The following SGCG variants were observed in gnomAD, a reference collection of about 807,000 sequenced individuals.
SGCG encodes the protein gamma-sarcoglycan.
In SGCG, 26 loss-of-function variants were observed where a neutral mutation model predicts 29.3. That is an observed-to-expected ratio of 0.89 (90% CI 0.65 to 1.23). SGCG has a LOEUF of 1.23. Among genes scored for constraint, SGCG ranks in the 50% most tolerant of loss-of-function variants. The pLI is 0.00. For missense variants in SGCG, 353 were observed against 356.0 expected (o/e 0.99, Z 0.07); for synonymous variants, 145 against 129.7 (o/e 1.12, Z -0.80).
At chr13:23,182,526 A>G (rs1876782340) in intron 1 of SGCG, among the ~76,000 whole-genome samples, 2 of 151,494 alleles carry the variant, frequency 1.3e-5, no homozygotes, top group Non-Finnish European at 2.9e-5. Flanking sequence ...CTCCAGACCT[A>G]CTGCAGGGCC....
intron 1 of SGCG, among the ~76,000 whole-genome samples, chr13:23,192,669 T>C (rs1593164794): frequency 6.6e-6 from 1 of 152,210 alleles, no homozygotes; most frequent in South Asian, 2.1e-4. Context: ...GTGCTGGGAT[T>C]ACAGGCGTGA....
chr13:23,272,727 G>A (rs980630820), intron 4 of SGCG, among the ~76,000 whole-genome samples: 15 of 152,148 alleles, frequency 9.9e-5, no homozygotes, highest in African/African-American at 3.6e-4. Context: ...GAATTCGCTT[G>A]TGACACCATC....
intron 3 of SGCG, among the ~76,000 whole-genome samples, chr13:23,235,584 G>A (rs1303405872): frequency 1.3e-5 from 2 of 152,152 alleles, no homozygotes; most frequent in Non-Finnish European, 2.9e-5. Context: ...GTGCAAATAC[G>A]TTCAAACAAT....
At chr13:23,193,143 C>T (rs1423781196) in intron 1 of SGCG, among the ~76,000 whole-genome samples, 1 of 152,146 alleles carries the variant, frequency 6.6e-6, no homozygotes, top group Non-Finnish European at 1.5e-5. Flanking sequence ...CCGGTTTTCC[C>T]GGCAGTGGGA....
intron 1 of SGCG, among the ~76,000 whole-genome samples, chr13:23,192,192 TGAAG>T (rs1318875475): frequency 7.3e-6 from 1 of 136,924 alleles, no homozygotes; most frequent in Non-Finnish European, 1.6e-5. Flanking sequence ...AAAAAAAAAA[TGAAG>T]GAAGTTTCAG....
rs536153066 is a variant in SGCG at position 23,267,294 on chromosome 13, A to C, written c.386-12065A>C. Among the ~76,000 whole-genome samples, 7 of 152,280 alleles carry C rather than the reference A, an allele frequency of 4.6e-5. No homozygotes were observed. The South Asian group carries it at 1.5e-3, about 32-fold the overall frequency. On this transcript the variant is annotated intron_variant, in intron 4 of 7. Coordinates refer to ENST00000218867, the MANE Select transcript of SGCG (RefSeq NM_000231.3). Reference sequence around the variant, plus strand: ...GAACAGAATCTGATCCACCAGGACCACTGGCCTCTACTCTGAGGAGTGTCT... The same window carrying C: ...GAACAGAATCTGATCCACCAGGACCCCTGGCCTCTACTCTGAGGAGTGTCT...
At chr13:23,236,521 C>CA (rs1273203472) in intron 3 of SGCG, among the ~76,000 whole-genome samples, 3 of 151,690 alleles carry the variant, frequency 2.0e-5, no homozygotes, top group African/African-American at 7.3e-5. Context: ...ACTAAAAATA[C>CA]AAAAAAATCA....
chr13:23,320,633 TCAGA>T lies in SGCG; in HGVS notation c.579-3_579del. On this transcript the variant is annotated splice_acceptor_variant and splice_polypyrimidine_tract_variant and coding_sequence_variant and intron_variant, in exon 7 of 8. Transcript: ENST00000218867. LOFTEE classifies it high-confidence loss of function. ...TTTTTTTGTGCTTCTTTTCCTCATC[TCAGA>T]TTAGAATCCCCCACTCGGAGTCTAA... 7.0e-7 allele frequency: 1 copy of T among 1,432,626 alleles called. No individual in the cohort carries two copies. The highest frequency in any genetic ancestry group is 1.4e-5 in the African/African-American group (1 of 70,036). The allele number at this position is 1,432,626 out of a possible 1,614,324, so 88.7% of individuals were successfully genotyped here. A position where few individuals can be genotyped will look rare whatever the true frequency, so the allele number is the denominator to read the frequency against.
intron 5 of SGCG, among the ~76,000 whole-genome samples, chr13:23,284,242 C>T (rs1881414562): frequency 6.6e-6 from 1 of 152,164 alleles, no homozygotes; most frequent in Non-Finnish European, 1.5e-5. Flanking sequence ...TCAGGTACAC[C>T]AATCAAATGT....
At chr13:23,172,610 A>G in the SGCG span, among the ~76,000 whole-genome samples, 1 of 152,240 alleles carries the variant, frequency 6.6e-6, no homozygotes, top group African/African-American at 2.4e-5. Flanking sequence ...TCAGTGGGAA[A>G]GAAAGCTACT....
intron 4 of SGCG, among the ~76,000 whole-genome samples, chr13:23,266,119 TA>T (rs1201247951): frequency 6.6e-6 from 1 of 151,722 alleles, no homozygotes; most frequent in Non-Finnish European, 1.5e-5. Context: ...CTACCAAAAA[TA>T]CAAAAATTAG....
intron 4 of SGCG, among the ~76,000 whole-genome samples, chr13:23,257,226 T>A (rs957273289): frequency 6.6e-6 from 1 of 152,208 alleles, no homozygotes; most frequent in Non-Finnish European, 1.5e-5. Flanking sequence ...TTGATTCGCT[T>A]CTTATAAATT....
chr13:23,183,775 C>A (rs1201342476), intron 1 of SGCG, among the ~76,000 whole-genome samples: 1 of 152,152 alleles, frequency 6.6e-6, no homozygotes, highest in East Asian at 1.9e-4. Flanking sequence ...TCAAGTGATT[C>A]TTCTGCCTCA....
At chr13:23,283,953 A>C (rs1881403102) in intron 5 of SGCG, among the ~76,000 whole-genome samples, 1 of 152,218 alleles carries the variant, frequency 6.6e-6, no homozygotes, top group Non-Finnish European at 1.5e-5. Flanking sequence ...TCTGGATTAT[A>C]GGGTTTCTGC....
At chr13:23,178,654 C>T (rs952039564), upstream of SGCG, among the ~76,000 whole-genome samples, 2 of 152,116 alleles carry the variant, frequency 1.3e-5, no homozygotes, top group African/African-American at 2.4e-5. Flanking sequence ...TAAAATACTC[C>T]GTTATTTTCA....
chr13:23,173,117 T>G, the SGCG span, among the ~76,000 whole-genome samples: 1 of 152,184 alleles, frequency 6.6e-6, no homozygotes, highest in African/African-American at 2.4e-5. Flanking sequence ...GAATATATCC[T>G]AGATGTGCAG....
rs948091887 is a variant in SGCG at position 23,197,217 on chromosome 13, C to T, written c.1-6478C>T. ...TATGCATTCGTGTGTTCAACAAGCA[C>T]TTACTGATTGCCTATTATGTGCACA... is the stretch of plus-strand genomic sequence containing the variant. On this transcript the variant is annotated intron_variant, in intron 1 of 7. Coordinates refer to ENST00000218867, the MANE Select transcript of SGCG (RefSeq NM_000231.3). Among the ~76,000 whole-genome samples the T allele has an allele frequency of 2.6e-5, 4 of 152,280 alleles. No homozygotes were observed. The South Asian group carries it at 8.3e-4, about 32-fold the overall frequency.
intron 3 of SGCG, among the ~76,000 whole-genome samples, chr13:23,235,464 G>A (rs1200415604): frequency 6.6e-6 from 1 of 151,944 alleles, no homozygotes; most frequent in African/African-American, 2.4e-5. Context: ...GTAAGATTCT[G>A]AACAAGTAGA....
chr13:23,298,133 A>G (rs897787863), intron 6 of SGCG, among the ~76,000 whole-genome samples: 1 of 151,836 alleles, frequency 6.6e-6, no homozygotes, highest in African/African-American at 2.4e-5. Flanking sequence ...AGGCAGGTGG[A>G]TCACCTGAGG....
Sources: gnomAD v4.1 joint callset for allele counts (sites outside exome capture counted in the v4.1 genomes callset) on GRCh38, gnomAD v4.1.1 for gene constraint, MANE v1.5 for transcripts, NCBI Gene and HGNC (gene_info 2026-07-23, HGNC 2026-07-21) for gene names.